Variants in KALRN observed in about 807,000 individuals in gnomAD.
KALRN encodes kalirin RhoGEF kinase, also known as kalirin.
In KALRN, 70 loss-of-function variants were observed where a neutral mutation model predicts 353.7. That is an observed-to-expected ratio of 0.20 (90% CI 0.16 to 0.24). The LOEUF (loss-of-function observed/expected upper bound fraction) is 0.24. KALRN is among the 10% of genes least tolerant of loss of function. The probability of loss-of-function intolerance (pLI) is 1.00; values close to 1 mark genes in which losing one functional copy is unlikely to be tolerated. For missense variants in KALRN, 2,791 were observed against 3,756.7 expected (o/e 0.74, Z 6.72); for synonymous variants, 1,391 against 1,434.8 (o/e 0.97, Z 0.69).
At chr3:124,403,133 C>A (rs148852023) in intron 13 of KALRN, among the ~76,000 whole-genome samples, 3 of 152,192 alleles carry the variant, frequency 2.0e-5, no homozygotes, top group Non-Finnish European at 4.4e-5. Context: ...TACCTTCCCC[C>A]CTTCCCCGAG....
intron 4 of KALRN, among the ~76,000 whole-genome samples, chr3:124,267,957 C>T (rs2073754541): frequency 6.6e-6 from 1 of 152,180 alleles, no homozygotes; most frequent in African/African-American, 2.4e-5. Context: ...TGCCCTGGGT[C>T]ACACAGTTAA....
intron 1 of KALRN, among the ~76,000 whole-genome samples, chr3:124,046,900 A>ATT (rs61359225): frequency 0.023 from 3,405 of 148,280 alleles, 123 homozygotes; most frequent in African/African-American, 0.078. Context: ...TTGTTGACCC[A>ATT]TTTTTTTTTT....
At chr3:124,186,043 G>A (rs927174382) in intron 1 of KALRN, among the ~76,000 whole-genome samples, 2 of 152,156 alleles carry the variant, frequency 1.3e-5, no homozygotes, top group Non-Finnish European at 2.9e-5. Context: ...ATGGTGAGCT[G>A]GAATCAGGTT....
In KALRN at chr3:124,186,503, A is replaced by G. The variant is rs543660486; in HGVS notation, c.74-41487A>G. The stretch of plus-strand genomic sequence containing the variant: ...TAACAGATGCTATTTTAAAAATCTT[A>G]AAGTGTGATTGCCTTTTATGGTAAG... On this transcript the variant is annotated intron_variant, in intron 1 of 59. Transcript: ENST00000682506. 5.3e-4 allele frequency among the ~76,000 whole-genome samples: 80 copies of G among 152,336 alleles called. No individual in the cohort carries two copies. In the South Asian group the frequency reaches 0.014, roughly 26 times the overall value.
intron 37 of KALRN, among the ~76,000 whole-genome samples, chr3:124,642,967 G>A (rs903090218): frequency 7.9e-5 from 12 of 151,616 alleles, no homozygotes; most frequent in African/African-American, 2.7e-4. Context: ...ACAGGCATGC[G>A]CCACCACACC....
At chr3:124,052,209 C>T (rs1451561473) in intron 1 of KALRN, among the ~76,000 whole-genome samples, 3 of 152,234 alleles carry the variant, frequency 2.0e-5, no homozygotes, top group African/African-American at 7.2e-5. Context: ...ATATGGTGAA[C>T]AGGGGCACTA....
chr3:124,547,026 T>C (rs2069759874), intron 33 of KALRN, among the ~76,000 whole-genome samples: 1 of 152,224 alleles, frequency 6.6e-6, no homozygotes, highest in Non-Finnish European at 1.5e-5. Context: ...AGGAGAACTT[T>C]CTATGCAGTC....
At chr3:124,047,293 T>A (rs1306838110) in intron 1 of KALRN, among the ~76,000 whole-genome samples, 1 of 152,190 alleles carries the variant, frequency 6.6e-6, no homozygotes, top group African/African-American at 2.4e-5. Context: ...CACATGATCT[T>A]TGTCCCTGAA....
intron 1 of KALRN, among the ~76,000 whole-genome samples, chr3:124,034,961 G>A (rs1315125149): frequency 1.3e-5 from 2 of 152,094 alleles, no homozygotes; most frequent in Non-Finnish European, 2.9e-5. Context: ...TTGCCCTGGA[G>A]GTCATCTCTA....
At chr3:124,584,672 A>G (rs2074949260) in intron 34 of KALRN, 1 of 1,428,122 alleles carries the variant, frequency 7.0e-7, no homozygotes, top group Non-Finnish European at 9.1e-7. Flanking sequence ...GCTCCCAGTA[A>G]GTCAGAGCTG....
chr3:124,290,076 C>CA (rs1477325600), intron 5 of KALRN, among the ~76,000 whole-genome samples: 1 of 152,096 alleles, frequency 6.6e-6, no homozygotes, highest in Non-Finnish European at 1.5e-5. Flanking sequence ...GGTAAGCTTT[C>CA]AAAATTAGAG....
chr3:124,079,990 T>C (rs1577857512), intron 1 of KALRN: 1 of 469,694 alleles, frequency 2.1e-6, no homozygotes, highest in East Asian at 7.0e-5. Context: ...GATGTCATGC[T>C]TCTCAGAATC....
At chr3:124,479,797 C>T (rs935802001) in intron 27 of KALRN, among the ~76,000 whole-genome samples, 2 of 147,342 alleles carry the variant, frequency 1.4e-5, no homozygotes, top group Non-Finnish European at 3.0e-5. Flanking sequence ...GATCTCGGCT[C>T]ACTGCAAGCT....
In KALRN at chr3:124,719,364, C is replaced by T. The variant is rs1166296826; in HGVS notation, c.8855C>T (p.Thr2952Ile). ...NGSYSKIPLDTSRLACFIERR... is the reference protein window; with the variant it reads ...NGSYSKIPLDISRLACFIERR... ...AGCTACTCTAAGATCCCCCTGGACA[C>T]CTCCCGCCTAGCATGCTTCATAGAA... The change falls in exon 60 of 60, where the codon ACC becomes ATC. Residue 2952 changes from threonine (T) to isoleucine (I), a missense_variant. This residue lies in a region of KALRN where 188 missense variants were observed against 402.9 expected (regional missense o/e 0.47). Coordinates refer to ENST00000682506, the MANE Select transcript of KALRN (RefSeq NM_001388419.1). This position sits in a 1 kb window ranked among gnomAD's most constrained non-coding sequence, Gnocchi z 5.3. The T allele has an allele frequency of 1.2e-6, 2 of 1,614,182 alleles. No homozygotes were observed. Among genetic ancestry groups the T allele is most frequent in the Non-Finnish European group, 1.7e-6 (2 of 1,180,036 alleles).
intron 17 of KALRN, among the ~76,000 whole-genome samples, chr3:124,436,598 T>C (rs974814108): frequency 2.1e-5 from 3 of 142,450 alleles, no homozygotes; most frequent in Non-Finnish European, 3.1e-5. Context: ...GATCTTCTCA[T>C]GTGATGCTAG....
At chr3:124,387,736 C>A (rs1034985009) in intron 11 of KALRN, among the ~76,000 whole-genome samples, 17 of 152,160 alleles carry the variant, frequency 1.1e-4, no homozygotes, top group Non-Finnish European at 2.2e-4. Flanking sequence ...TGCCTGTATA[C>A]AAAGGGGTTT....
At chr3:124,379,293 T>A (rs1382477203) in intron 10 of KALRN, among the ~76,000 whole-genome samples, 2 of 152,194 alleles carry the variant, frequency 1.3e-5, no homozygotes, top group African/African-American at 4.8e-5. Context: ...ATAACCATTT[T>A]AAAATACTTG....
chr3:124,171,102 C>T (rs1488549173), intron 1 of KALRN, among the ~76,000 whole-genome samples: 1 of 152,068 alleles, frequency 6.6e-6, no homozygotes, highest in Non-Finnish European at 1.5e-5. Context: ...CAGGCATGAG[C>T]AACCTCACCT....
intron 37 of KALRN, among the ~76,000 whole-genome samples, chr3:124,644,121 G>T (rs114525196): frequency 6.6e-6 from 1 of 151,902 alleles, no homozygotes; most frequent in Non-Finnish European, 1.5e-5. Flanking sequence ...TACATGTCCC[G>T]GTTTCCTAGC....
Sources: allele counts gnomAD v4.1 joint callset (sites outside exome capture counted in the v4.1 genomes callset), GRCh38; gene constraint gnomAD v4.1.1; regional missense constraint gnomAD v4.1.1; non-coding constraint Gnocchi (gnomAD v3.1); transcripts MANE v1.5; gene names NCBI Gene and HGNC (gene_info 2026-07-23, HGNC 2026-07-21).